TBC1D26: variants seen among roughly 807,000 people sequenced by gnomAD.
TBC1D26 encodes TBC1 domain family member 26.
Under a neutral mutation model 42.5 loss-of-function variants are expected in TBC1D26, and 19 were observed. The observed-to-expected ratio is 0.45, with a 90% CI of 0.31 to 0.66. TBC1D26 has a LOEUF of 0.66. TBC1D26 is among the 30% of genes least tolerant of loss of function. The pLI, the probability that TBC1D26 is intolerant of heterozygous loss-of-function variation, is 0.06. For synonymous variants in TBC1D26, 97 were observed against 123.5 expected (o/e 0.79, Z 1.42); for missense variants, 228 against 332.6 (o/e 0.69, Z 2.45).
intron 9 of TBC1D26, 135 bp downstream of exon 9, chr17:15,740,283 G>A (rs563470548): frequency 1.1e-5 from 18 of 1,601,840 alleles, no homozygotes; most frequent in South Asian, 5.6e-5. Flanking sequence ...ACTTCAGCTC[G>A]CTGCTGGCAG....
chr17:15,737,594 G>T, intron 5 of TBC1D26, 71 bp downstream of exon 5: 2 of 1,589,132 alleles, frequency 1.3e-6, no homozygotes, highest in East Asian at 4.5e-5. Flanking sequence ...TAAGGCAGAG[G>T]GGGTGGCCTG....
intron 1 of TBC1D26, among the ~76,000 whole-genome samples, chr17:15,734,447 G>A (rs925284884): frequency 5.3e-5 from 8 of 151,822 alleles, no homozygotes; most frequent in Admixed American, 1.3e-4. Context: ...CTAGGAGTGC[G>A]GTGGGGAGCC....
intron 10 of TBC1D26, 161 bp downstream of exon 10, chr17:15,741,382 C>T: frequency 7.6e-7 from 1 of 1,309,768 alleles, no homozygotes. Context: ...TGCTGAGGTC[C>T]TACAGCAGCC....
chr17:15,740,640 G>T lies in TBC1D26; in HGVS notation c.547-482G>T, dbSNP rs28695717. On this transcript the variant is annotated intron_variant, in intron 9 of 14. Coordinates refer to ENST00000437605, the MANE Select transcript of TBC1D26 (RefSeq NM_001388465.1). The stretch of plus-strand genomic sequence containing the variant: ...GGCCCCCACTTTCCAGACCATTCCA[G>T]GCAGGGAGAGCTGCTGAGCTGACTG... 12,295 of 1,080,354 alleles carry T rather than the reference G, an allele frequency of 0.011. 1,033 individuals carry two copies. In the African/African-American group the frequency reaches 0.19, roughly 16 times the overall value. 66.9% of individuals were successfully genotyped at this position (1,080,354 alleles called of 1,614,324 possible). A position where few individuals can be genotyped will look rare whatever the true frequency, so the allele number is the denominator to read the frequency against.
intron 7 of TBC1D26, 104 bp downstream of exon 7, chr17:15,738,491 G>C (rs1308029341): frequency 7.0e-7 from 1 of 1,427,496 alleles, no homozygotes; most frequent in Non-Finnish European, 9.7e-7. Flanking sequence ...GGGAGTGGGG[G>C]CTGTGGTCAG....
chr17:15,741,802 A>C, intron 10 of TBC1D26, 140 bp from the exon 11 acceptor site: 1 of 742,222 alleles, frequency 1.3e-6, no homozygotes, highest in South Asian at 1.8e-5. Context: ...CCCAGGGCTG[A>C]GGCTACATGC....
chr17:15,743,293 C>A, intron 13 of TBC1D26, 74 bp from the exon 14 acceptor site: 1 of 813,982 alleles, frequency 1.2e-6, no homozygotes, highest in Non-Finnish European at 1.5e-6. Context: ...GGGAGGTGGG[C>A]CTGGTAGAAA....
chr17:15,738,911 A>G (rs1420086604), intron 8 of TBC1D26, 81 bp downstream of exon 8: 1 of 1,595,664 alleles, frequency 6.3e-7, no homozygotes, highest in Non-Finnish European at 8.5e-7. Flanking sequence ...GGCAGAGGCC[A>G]GGGTCACCCA....
intron 8 of TBC1D26, among the ~76,000 whole-genome samples, chr17:15,739,221 G>A (rs982331777): frequency 5.3e-5 from 8 of 150,998 alleles, no homozygotes; most frequent in African/African-American, 1.9e-4. Flanking sequence ...GCGGGGCCCC[G>A]GAAACTCTCA....
At chr17:15,737,869 G>A in intron 5 of TBC1D26, 128 bp from the exon 6 acceptor site, 1 of 1,211,776 alleles carries the variant, frequency 8.3e-7, no homozygotes, top group Non-Finnish European at 1.2e-6. Context: ...CTCAGCCCCT[G>A]GGGCCTGCCC....
chr17:15,735,228 G>A, intron 2 of TBC1D26, 120 bp from the exon 3 acceptor site: 5 of 1,078,836 alleles, frequency 4.6e-6, no homozygotes, highest in South Asian at 1.4e-5. Context: ...TGTCATCTGG[G>A]AGGGGTAGTG....
intron 9 of TBC1D26, chr17:15,740,693 C>T: frequency 9.2e-7 from 1 of 1,085,086 alleles, no homozygotes; most frequent in Non-Finnish European, 1.1e-6. Flanking sequence ...GAGGACCCAG[C>T]CACCCCTTAT....
intron 10 of TBC1D26, 160 bp downstream of exon 10, chr17:15,741,381 C>G: frequency 7.7e-7 from 1 of 1,293,194 alleles, no homozygotes; most frequent in Non-Finnish European, 1.1e-6. Context: ...CTGCTGAGGT[C>G]CTACAGCAGC....
chr17:15,741,931 G>A lies in TBC1D26; in HGVS notation c.647-11G>A, dbSNP rs752484963. ...GGGGTCTGATGGGGTGATGGGTCGCGGGCTTCTCAGTATTCTACAGCCCAA... is the reference window on the plus strand; with the variant it reads ...GGGGTCTGATGGGGTGATGGGTCGCAGGCTTCTCAGTATTCTACAGCCCAA... On this transcript the variant is annotated splice_polypyrimidine_tract_variant and intron_variant, in intron 10 of 14. Transcript: ENST00000437605. 4.2e-5 allele frequency: 67 copies of A among 1,613,476 alleles called. No individual in the cohort carries two copies. The highest frequency in any genetic ancestry group is 4.0e-4 in the East Asian group (18 of 44,844).
chr17:15,738,172 G>A (rs1047942431), intron 6 of TBC1D26, 95 bp downstream of exon 6: 1 of 1,608,614 alleles, frequency 6.2e-7, no homozygotes, highest in Admixed American at 1.7e-5. Context: ...GCCTCTCAGT[G>A]GGTGGGTGGT....
At chr17:15,740,605 G>T in intron 9 of TBC1D26, 1 of 1,085,516 alleles carries the variant, frequency 9.2e-7, no homozygotes, top group Non-Finnish European at 1.1e-6. Context: ...CCAGGTGGCT[G>T]TTCCTGCTTG....
chr17:15,742,518 C>G (rs552002293), intron 12 of TBC1D26, 39 bp downstream of exon 12: 264 of 209,102 alleles, frequency 1.3e-3, no homozygotes, highest in African/African-American at 6.0e-3. Context: ...TGGGACTCTC[C>G]TGCCCTGCAG....
chr17:15,740,038 A>G, intron 8 of TBC1D26, 62 bp from the exon 9 acceptor site: 2 of 1,565,746 alleles, frequency 1.3e-6, no homozygotes. Context: ...TTTGTAGACA[A>G]AATGAAATTG....
intron 9 of TBC1D26, chr17:15,740,619 C>T: frequency 9.2e-7 from 1 of 1,084,774 alleles, no homozygotes; most frequent in African/African-American, 1.6e-5. Flanking sequence ...CTGCTTGGCC[C>T]CCACTTTCCA....
Sources: gnomAD v4.1 joint callset for allele counts (sites outside exome capture counted in the v4.1 genomes callset) on GRCh38, gnomAD v4.1.1 for gene constraint, MANE v1.5 for transcripts, NCBI Gene and HGNC (gene_info 2026-07-23, HGNC 2026-07-21) for gene names.